The following PLEKHA1 variants were observed in gnomAD, a reference collection of about 807,000 sequenced individuals.
PLEKHA1 encodes pleckstrin homology domain containing A1.
Under a neutral mutation model 52.0 loss-of-function variants are expected in PLEKHA1, and 34 were observed. That is an observed-to-expected ratio of 0.65 (90% CI 0.50 to 0.87). The LOEUF (loss-of-function observed/expected upper bound fraction) is 0.87, where lower values mean the gene tolerates loss of function less well. Among genes scored for constraint, PLEKHA1 ranks in the 40% least tolerant of loss-of-function variants. The pLI, the probability that PLEKHA1 is intolerant of heterozygous loss-of-function variation, is 0.00. For missense variants in PLEKHA1, 497 were observed against 504.2 expected, an observed-to-expected ratio of 0.99 and a Z score of 0.14; for synonymous variants, 163 against 170.7, an observed-to-expected ratio of 0.95 and a Z score of 0.35.
At chr10:122,407,128 A>G (rs73367717) in intron 5 of PLEKHA1, among the ~76,000 whole-genome samples, 3,279 of 152,160 alleles carry the variant, frequency 0.022, 103 homozygotes, top group African/African-American at 0.075. Context: ...GAAGGCTGAA[A>G]AATGAGGGTT....
Position 122,430,044 on chromosome 10 carries a change from A to T in PLEKHA1, c.*106A>T, listed in dbSNP as rs2097403364. The T allele has an allele frequency of 1.6e-6, 2 of 1,225,408 alleles. No homozygotes were observed. Among genetic ancestry groups the T allele is most frequent in the Non-Finnish European group, 2.2e-6 (2 of 890,818 alleles). The allele number at this position is 1,225,408 out of a possible 1,614,324, so 75.9% of individuals were successfully genotyped here. A position where few individuals can be genotyped will look rare whatever the true frequency, so the allele number is the denominator to read the frequency against. ...GGAAATGGTTTTTAGTGCGTATATT[A>T]TACTGCCTCTTAGGTGTACTCTTTA... On this transcript the variant is annotated 3_prime_UTR_variant, in exon 12 of 12. Coordinates refer to ENST00000368990, the MANE Select transcript of PLEKHA1 (RefSeq NM_001001974.4).
chr10:122,407,280 C>T (rs894715283), intron 5 of PLEKHA1, among the ~76,000 whole-genome samples: 12 of 152,162 alleles, frequency 7.9e-5, no homozygotes, highest in Non-Finnish European at 1.8e-4. Context: ...CCCTTGCCCT[C>T]CTTTCCCATG....
the PLEKHA1 span, chr10:122,439,576 C>T: frequency 6.6e-6 from 1 of 151,962 alleles, no homozygotes; most frequent in Non-Finnish European, 1.5e-5. Context: ...CCTGTCTCTA[C>T]TAAAAATACA....
Position 122,393,425 on chromosome 10 carries a change from GTCT to G in PLEKHA1, c.141+89_141+91del. Reference sequence around the variant, plus strand: ...AACATACTATACAGGCTTTAGATTTGTCTTCTTAAGCAGTATATTTTTAGATTT... The same window carrying G: ...AACATACTATACAGGCTTTAGATTTGTCTTAAGCAGTATATTTTTAGATTT... On this transcript the variant is annotated intron_variant, in intron 2 of 11. Coordinates refer to ENST00000368990, the MANE Select transcript of PLEKHA1 (RefSeq NM_001001974.4). The surrounding 1 kb of genome is among the most constrained non-coding windows in gnomAD (Gnocchi z 4.5). The G allele has an allele frequency of 8.4e-6, 11 of 1,306,896 alleles. No individual in the cohort carries two copies. Among genetic ancestry groups the G allele is most frequent in the Non-Finnish European group, 1.0e-5 (10 of 987,232 alleles). 81.0% of individuals were successfully genotyped at this position (1,306,896 alleles called of 1,614,324 possible). A position where few individuals can be genotyped will look rare whatever the true frequency, so the allele number is the denominator to read the frequency against.
chr10:122,428,345 A>G (rs2097370165), intron 11 of PLEKHA1: 3 of 1,545,706 alleles, frequency 1.9e-6, no homozygotes, highest in Admixed American at 2.0e-5. Flanking sequence ...TGAATGCAGC[A>G]CGTATGTGGG....
chr10:122,428,349 A>G (rs895066840), intron 11 of PLEKHA1: 13 of 1,545,452 alleles, frequency 8.4e-6, no homozygotes, highest in Non-Finnish European at 1.0e-5. Flanking sequence ...TGCAGCACGT[A>G]TGTGGGCTCT....
At chr10:122,377,314 T>G (rs1485366526) in intron 1 of PLEKHA1, among the ~76,000 whole-genome samples, 1 of 152,182 alleles carries the variant, frequency 6.6e-6, no homozygotes, top group Non-Finnish European at 1.5e-5. Context: ...TGATTCCAAC[T>G]GTGAGCTGAG....
downstream of PLEKHA1, chr10:122,437,048 T>C (rs2097440956): frequency 7.2e-6 from 1 of 139,782 alleles, no homozygotes; most frequent in African/African-American, 2.7e-5. Flanking sequence ...ATGTTATGAA[T>C]GTAACCTATT....
At chr10:122,388,340 T>A (rs1319175808) in intron 1 of PLEKHA1, among the ~76,000 whole-genome samples, 1 of 152,262 alleles carries the variant, frequency 6.6e-6, no homozygotes, top group Non-Finnish European at 1.5e-5. Flanking sequence ...CAGTACTTCA[T>A]TCCTTTTTAT....
chr10:122,379,621 A>C (rs907225416), intron 1 of PLEKHA1, among the ~76,000 whole-genome samples: 1 of 152,150 alleles, frequency 6.6e-6, no homozygotes, highest in Admixed American at 6.5e-5. Context: ...TCTTCTGTCA[A>C]CTGCTCTTGC....
intron 1 of PLEKHA1, among the ~76,000 whole-genome samples, chr10:122,381,575 G>C (rs1259323351): frequency 2.0e-5 from 3 of 152,158 alleles, no homozygotes; most frequent in African/African-American, 7.2e-5. Flanking sequence ...CACCATGATT[G>C]TAAGTTTCTT....
chr10:122,409,941 C>T (rs1054055724), intron 5 of PLEKHA1, among the ~76,000 whole-genome samples: 7 of 152,062 alleles, frequency 4.6e-5, no homozygotes, highest in African/African-American at 1.7e-4. Flanking sequence ...GCCACCACAG[C>T]CAGCTAATTT....
In PLEKHA1 at chr10:122,393,185, A is replaced by G. The variant is rs1251862855; in HGVS notation, c.-16A>G. 1 of 1,602,722 alleles carries G rather than the reference A, an allele frequency of 6.2e-7. No homozygotes were observed. Among genetic ancestry groups the G allele is most frequent in the Non-Finnish European group, 8.5e-7 (1 of 1,175,284 alleles). On this transcript the variant is annotated 5_prime_UTR_variant, in exon 2 of 12. It removes an upstream start codon present in the reference 5' UTR. Transcript: ENST00000368990. This position sits in a 1 kb window ranked among gnomAD's most constrained non-coding sequence, Gnocchi z 4.5. Reference sequence around the variant, plus strand: ...GTTAATATTTTTATTTTACAGTGTAATGTTCAAGCTCAGAAATGCCTTATG... The same window carrying G: ...GTTAATATTTTTATTTTACAGTGTAGTGTTCAAGCTCAGAAATGCCTTATG...
chr10:122,406,191 G>A (rs996333423), intron 4 of PLEKHA1, among the ~76,000 whole-genome samples: 9 of 152,140 alleles, frequency 5.9e-5, no homozygotes, highest in African/African-American at 1.9e-4. Flanking sequence ...AAGTTTAAAT[G>A]TCAATTGTCT....
intron 8 of PLEKHA1, chr10:122,422,051 G>A (rs2097267593): frequency 6.6e-6 from 1 of 152,124 alleles, no homozygotes; most frequent in African/African-American, 2.4e-5. Context: ...TTACCTTGAA[G>A]GAGCTGACCA....
At chr10:122,408,476 GATAA>G (rs1314947253) in intron 5 of PLEKHA1, among the ~76,000 whole-genome samples, 1 of 152,114 alleles carries the variant, frequency 6.6e-6, no homozygotes, top group African/African-American at 2.4e-5. Context: ...TAGTTTTTAA[GATAA>G]ATTTGTTGGT....
At chr10:122,383,356 A>C (rs1253573842) in intron 1 of PLEKHA1, among the ~76,000 whole-genome samples, 1 of 89,924 alleles carries the variant, frequency 1.1e-5, no homozygotes, top group Non-Finnish European at 2.2e-5. Flanking sequence ...GTCTTGCTCT[A>C]TTGCCCAGGC....
At chr10:122,390,986 A>G (rs1379902830) in intron 1 of PLEKHA1, among the ~76,000 whole-genome samples, 1 of 152,022 alleles carries the variant, frequency 6.6e-6, no homozygotes, top group Admixed American at 6.6e-5. Flanking sequence ...AATTATAGCC[A>G]TCCTAGTGGG....
intron 6 of PLEKHA1, among the ~76,000 whole-genome samples, chr10:122,414,416 T>C (rs1484512231): frequency 6.6e-6 from 1 of 152,054 alleles, no homozygotes; most frequent in African/African-American, 2.4e-5. Flanking sequence ...TAAAATAATA[T>C]ATGTCTATCA....
Sources: allele counts gnomAD v4.1 joint callset (sites outside exome capture counted in the v4.1 genomes callset), GRCh38; gene constraint gnomAD v4.1.1; non-coding constraint Gnocchi (gnomAD v3.1); transcripts MANE v1.5; gene names NCBI Gene and HGNC (gene_info 2026-07-23, HGNC 2026-07-21).